The following TRPC4 variants were observed in gnomAD, a reference collection of about 807,000 sequenced individuals.
TRPC4 encodes short transient receptor potential channel 4.
Under a neutral mutation model 99.4 loss-of-function variants are expected in TRPC4, and 49 were observed. The observed-to-expected ratio is 0.49, with a 90% CI of 0.39 to 0.63. TRPC4 has a LOEUF of 0.63. Among genes scored for constraint, TRPC4 ranks in the 20% least tolerant of loss-of-function variants. The pLI, the probability that TRPC4 is intolerant of heterozygous loss-of-function variation, is 0.00. For missense variants in TRPC4, 898 were observed against 1,152.9 expected, an observed-to-expected ratio of 0.78 and a Z score of 3.20; for synonymous variants, 454 against 425.9, an observed-to-expected ratio of 1.07 and a Z score of -0.81.
chr13:37,661,104 A>G (rs1403095724), intron 6 of TRPC4, among the ~76,000 whole-genome samples: 7 of 152,230 alleles, frequency 4.6e-5, no homozygotes, highest in African/African-American at 1.7e-4. Context: ...GTTGAATGAT[A>G]TAGGCCTATA....
At chr13:37,834,882 G>A (rs1958520102) in intron 1 of TRPC4, among the ~76,000 whole-genome samples, 1 of 152,064 alleles carries the variant, frequency 6.6e-6, no homozygotes, top group African/African-American at 2.4e-5. Flanking sequence ...GTACAGGCAT[G>A]TGCCACCATG....
intron 5 of TRPC4, among the ~76,000 whole-genome samples, chr13:37,668,557 A>G (rs1952727957): frequency 6.6e-6 from 1 of 152,180 alleles, no homozygotes. Flanking sequence ...AGAGGATGAG[A>G]TGAGTTGGAG....
intron 2 of TRPC4, among the ~76,000 whole-genome samples, chr13:37,755,430 T>A (rs11841842): frequency 7.3e-5 from 1 of 13,644 alleles, no homozygotes; most frequent in East Asian, 0.17. Flanking sequence ...ATAATTTTTT[T>A]ATTTTTTATT....
chr13:37,669,918 G>GCC (rs1298887876), intron 5 of TRPC4, among the ~76,000 whole-genome samples: 1 of 152,060 alleles, frequency 6.6e-6, no homozygotes, highest in Non-Finnish European at 1.5e-5. Context: ...CCCAGATTGA[G>GCC]CCCCCCAGTG....
At chr13:37,796,968 A>ATAAAGTAAAGTAAAG (rs548354406) in intron 1 of TRPC4, among the ~76,000 whole-genome samples, 17 of 115,118 alleles carry the variant, frequency 1.5e-4, no homozygotes, top group African/African-American at 5.3e-4. Flanking sequence ...ATAAAATAAA[A>ATAAAGTAAAGTAAAG]TAAAGTAAAG....
intron 1 of TRPC4, among the ~76,000 whole-genome samples, chr13:37,844,921 C>G (rs909432349): frequency 6.6e-6 from 1 of 152,088 alleles, no homozygotes; most frequent in Non-Finnish European, 1.5e-5. Context: ...TGGCCCTTCC[C>G]AACTGCAGAT....
At chr13:37,765,619 G>C (rs17056589) in intron 2 of TRPC4, among the ~76,000 whole-genome samples, 15,128 of 151,240 alleles carry the variant, frequency 0.1, 1,106 homozygotes, top group African/African-American at 0.21. Flanking sequence ...TATTTTGACT[G>C]TATGAGAGAA....
At chr13:37,781,307 C>CATCT (rs1956833143) in intron 2 of TRPC4, among the ~76,000 whole-genome samples, 1 of 152,028 alleles carries the variant, frequency 6.6e-6, no homozygotes, top group Non-Finnish European at 1.5e-5. Flanking sequence ...ACAGCCAAAA[C>CATCT]ATCTGTCTTA....
intron 3 of TRPC4, among the ~76,000 whole-genome samples, chr13:37,738,317 T>A (rs1955465778): frequency 6.6e-6 from 1 of 152,142 alleles, no homozygotes; most frequent in Non-Finnish European, 1.5e-5. Context: ...AAGGACTTAT[T>A]GAAGCCAAAT....
intron 3 of TRPC4, among the ~76,000 whole-genome samples, chr13:37,716,803 GA>G (rs1215066131): frequency 2.0e-5 from 3 of 151,898 alleles, no homozygotes; most frequent in Admixed American, 6.6e-5. Flanking sequence ...TAGGAAGCTG[GA>G]AAAAAACATT....
intron 1 of TRPC4, among the ~76,000 whole-genome samples, chr13:37,862,984 T>C (rs1471140277): frequency 6.6e-6 from 1 of 151,520 alleles, no homozygotes; most frequent in Admixed American, 6.6e-5. Context: ...AATACACAAA[T>C]ACCTACCATT....
chr13:37,753,489 TTG>T (rs1955993173), intron 2 of TRPC4, among the ~76,000 whole-genome samples: 1 of 150,126 alleles, frequency 6.7e-6, no homozygotes, highest in Non-Finnish European at 1.5e-5. Context: ...TGGATTAGAC[TTG>T]TAGCCATGGA....
chr13:37,822,701 T>G (rs1958052015), intron 1 of TRPC4, among the ~76,000 whole-genome samples: 1 of 152,138 alleles, frequency 6.6e-6, no homozygotes, highest in African/African-American at 2.4e-5. Flanking sequence ...TCCAAGTCTT[T>G]GCTATTGTGA....
intron 1 of TRPC4, among the ~76,000 whole-genome samples, chr13:37,788,132 A>C (rs866502173): frequency 2.0e-5 from 3 of 152,108 alleles, no homozygotes; most frequent in South Asian, 4.1e-4. Flanking sequence ...CTCTGATTTC[A>C]AAAGAAAAGA....
intron 6 of TRPC4, among the ~76,000 whole-genome samples, chr13:37,658,829 C>T (rs184819054): frequency 4.1e-4 from 62 of 152,068 alleles, no homozygotes; most frequent in Admixed American, 1.6e-3. Context: ...TGGTGGGAAA[C>T]GGCATGAAGA....
At chr13:37,820,218 C>T (rs905047551) in intron 1 of TRPC4, among the ~76,000 whole-genome samples, 7 of 151,928 alleles carry the variant, frequency 4.6e-5, no homozygotes, top group East Asian at 1.9e-4. Context: ...TTCCTGGAAA[C>T]ACGCAACCTC....
intron 3 of TRPC4, among the ~76,000 whole-genome samples, chr13:37,700,407 G>T (rs1345754550): frequency 1.3e-5 from 2 of 152,174 alleles, no homozygotes; most frequent in African/African-American, 4.8e-5. Context: ...CAGAGGAGTG[G>T]CATGTTCAGA....
chr13:37,731,189 AAAT>A, intron 3 of TRPC4, among the ~76,000 whole-genome samples: 1 of 152,066 alleles, frequency 6.6e-6, no homozygotes, highest in Non-Finnish European at 1.5e-5. Flanking sequence ...TAGCTGTTCG[AAAT>A]AATCTATTAT....
At chr13:37,743,639 T>C (rs75435128) in intron 3 of TRPC4, among the ~76,000 whole-genome samples, 1,525 of 152,252 alleles carry the variant, frequency 0.01, 12 homozygotes, top group South Asian at 0.03. Flanking sequence ...TCCTGGAATG[T>C]GTTCTATGAA....
Sources: allele counts gnomAD v4.1 joint callset (sites outside exome capture counted in the v4.1 genomes callset), GRCh38; gene constraint gnomAD v4.1.1; transcripts MANE v1.5; gene names NCBI Gene and HGNC (gene_info 2026-07-23, HGNC 2026-07-21).